DCLK1: variants seen among roughly 807,000 people sequenced by gnomAD.
DCLK1 encodes serine/threonine-protein kinase DCLK1.
A neutral mutation model predicts 86.2 loss-of-function variants in DCLK1; 16 were observed. The ratio of observed to expected loss-of-function variants is 0.19; its 90% CI spans 0.13 to 0.28. The LOEUF (loss-of-function observed/expected upper bound fraction) is 0.28. Ranked by LOEUF, DCLK1 falls within the 10% of genes least tolerant of loss-of-function variation. The pLI is 1.00. For missense variants in DCLK1, 590 were observed against 940.2 expected (o/e 0.63, Z 4.87); for synonymous variants, 369 against 370.5 (o/e 1.00, Z 0.05).
intron 4 of DCLK1, among the ~76,000 whole-genome samples, chr13:35,927,854 T>C (rs919041921): frequency 2.0e-5 from 3 of 152,168 alleles, no homozygotes; most frequent in Admixed American, 2.0e-4. Context: ...CACCCATGCC[T>C]ACATAACCAA....
chr13:36,082,067 G>A (rs7997218), intron 3 of DCLK1, among the ~76,000 whole-genome samples: 46,350 of 151,968 alleles, frequency 0.3, 7,213 homozygotes, highest in South Asian at 0.51. Flanking sequence ...GAAAAACACA[G>A]GTTTGAACTG....
intron 3 of DCLK1, among the ~76,000 whole-genome samples, chr13:36,069,898 C>T (rs547307026): frequency 6.6e-6 from 1 of 152,106 alleles, no homozygotes; most frequent in Non-Finnish European, 1.5e-5. Context: ...CAGCATCCAT[C>T]AGCGATAGGA....
At chr13:36,040,053 A>G (rs1005225938) in intron 3 of DCLK1, among the ~76,000 whole-genome samples, 3 of 151,894 alleles carry the variant, frequency 2.0e-5, no homozygotes, top group Admixed American at 2.0e-4. Context: ...TAAAGGCATA[A>G]AAGTGAGACC....
intron 15 of DCLK1, among the ~76,000 whole-genome samples, chr13:35,796,668 G>C (rs1029168207): frequency 6.6e-6 from 1 of 152,104 alleles, no homozygotes; most frequent in Non-Finnish European, 1.5e-5. Context: ...TTTGCTCCAC[G>C]TCACATAGCT....
At chr13:35,984,381 C>A (rs1879802133) in intron 3 of DCLK1, among the ~76,000 whole-genome samples, 1 of 152,186 alleles carries the variant, frequency 6.6e-6, no homozygotes, top group Non-Finnish European at 1.5e-5. Flanking sequence ...TGTTTGGAGA[C>A]AACACTGGGT....
intron 3 of DCLK1, among the ~76,000 whole-genome samples, chr13:36,094,720 G>T (rs1188720738): frequency 6.6e-6 from 1 of 152,196 alleles, no homozygotes; most frequent in Non-Finnish European, 1.5e-5. Context: ...TTTTGAAAAT[G>T]TATTGCTCAG....
intron 16 of DCLK1, among the ~76,000 whole-genome samples, chr13:35,788,811 A>G (rs565205659): frequency 6.6e-6 from 1 of 152,208 alleles, no homozygotes; most frequent in African/African-American, 2.4e-5. Flanking sequence ...TTAAAGGTGA[A>G]TCTTTTCTTT....
At chr13:35,986,437 TG>T (rs1353185914) in intron 3 of DCLK1, among the ~76,000 whole-genome samples, 2 of 152,042 alleles carry the variant, frequency 1.3e-5, no homozygotes, top group Non-Finnish European at 2.9e-5. Flanking sequence ...CAGTATAGTT[TG>T]TTTCCATTAA....
At chr13:35,827,488 A>C in intron 10 of DCLK1, 147 bp downstream of exon 10, 1 of 975,192 alleles carries the variant, frequency 1.0e-6, no homozygotes, top group Non-Finnish European at 1.5e-6. Flanking sequence ...CTTGTGTACC[A>C]TTCTCCTGTG....
At chr13:36,062,380 G>A (rs749446162) in intron 3 of DCLK1, among the ~76,000 whole-genome samples, 18 of 152,000 alleles carry the variant, frequency 1.2e-4, no homozygotes, top group Non-Finnish European at 2.5e-4. Flanking sequence ...TTACTGTCTT[G>A]GTTTTTGCTT....
intron 3 of DCLK1, among the ~76,000 whole-genome samples, chr13:36,055,904 T>G (rs1054880169): frequency 7.9e-5 from 12 of 152,196 alleles, no homozygotes; most frequent in African/African-American, 2.9e-4. Flanking sequence ...ATATAATGAT[T>G]GCCATTCTAA....
At chr13:35,813,280 C>T (rs576172371) in intron 11 of DCLK1, among the ~76,000 whole-genome samples, 7 of 152,252 alleles carry the variant, frequency 4.6e-5, no homozygotes, top group Non-Finnish European at 8.8e-5. Flanking sequence ...TTATTCAACC[C>T]ACTTGATGCA....
chr13:35,987,430 A>G (rs530129868), intron 3 of DCLK1, among the ~76,000 whole-genome samples: 2 of 152,220 alleles, frequency 1.3e-5, no homozygotes, highest in South Asian at 4.2e-4. Flanking sequence ...TACTGAGAGC[A>G]GTGAGGCGCC....
At position 35,809,089 on chromosome 13, in the gene DCLK1, G is replaced by T. The variant is rs1275462803; in HGVS notation, c.1695C>A (p.Gly565=). ...CTGCTGCCCAGATGTCCACCTTGAG[G>T]CCGTATCTGGAAAAATAAGGGATGT... ...APEIIAETGY[G]LKVDIWAAGV... Residue 565 remains glycine (G), a synonymous_variant, in exon 13 of 17, where the codon GGC becomes GGA. Coordinates refer to ENST00000360631, the MANE Select transcript of DCLK1 (RefSeq NM_001330071.2). 2 of 1,610,636 alleles carry T rather than the reference G, an allele frequency of 1.2e-6. No individual in the cohort carries two copies. The highest frequency in any genetic ancestry group is 2.2e-5 in the East Asian group (1 of 44,790).
intron 6 of DCLK1, chr13:35,849,818 T>G (rs538873160): frequency 2.0e-6 from 2 of 984,962 alleles, no homozygotes; most frequent in East Asian, 2.3e-4. Context: ...GCTTTTCAAA[T>G]GGATTTCTTG....
intron 3 of DCLK1, among the ~76,000 whole-genome samples, chr13:35,974,377 G>A (rs757632900): frequency 6.6e-6 from 1 of 152,190 alleles, no homozygotes; most frequent in African/African-American, 2.4e-5. Flanking sequence ...AGGGAAGACC[G>A]TGTAAGGACA....
At chr13:35,850,289 T>C in intron 6 of DCLK1, 1 of 985,116 alleles carries the variant, frequency 1.0e-6, no homozygotes, top group Non-Finnish European at 1.2e-6. Context: ...ATATGCCTGC[T>C]AGTGCCGTTT....
At chr13:36,108,815 T>C (rs555075336) in intron 3 of DCLK1, among the ~76,000 whole-genome samples, 11 of 152,286 alleles carry the variant, frequency 7.2e-5, no homozygotes, top group African/African-American at 2.4e-4. Context: ...TTTAAAAAGG[T>C]GGGACAAGTA....
At chr13:35,905,861 C>T (rs17053131) in intron 4 of DCLK1, among the ~76,000 whole-genome samples, 10,781 of 151,912 alleles carry the variant, frequency 0.071, 461 homozygotes, top group South Asian at 0.14. Flanking sequence ...ACTGCCAGGG[C>T]GAGGATTTCC....
Sources: allele counts gnomAD v4.1 joint callset (sites outside exome capture counted in the v4.1 genomes callset), GRCh38; gene constraint gnomAD v4.1.1; transcripts MANE v1.5; gene names NCBI Gene and HGNC (gene_info 2026-07-23, HGNC 2026-07-21).